The following SPOCK3 variants were observed in gnomAD, a reference collection of about 807,000 sequenced individuals.
The protein encoded by SPOCK3 is SPARC (osteonectin), cwcv and kazal like domains proteoglycan 3, also known as testican-3.
SPOCK3 carries 30 observed loss-of-function variants against 56.6 expected under a neutral mutation model. The ratio of observed to expected loss-of-function variants is 0.53; its 90% CI spans 0.40 to 0.72. SPOCK3 has a LOEUF of 0.72. Ranked by LOEUF, SPOCK3 falls within the 30% of genes least tolerant of loss-of-function variation. SPOCK3 has a pLI of 0.00. For synonymous variants in SPOCK3, 196 were observed against 183.3 expected (o/e 1.07, Z -0.56); for missense variants, 527 against 530.0 (o/e 0.99, Z 0.06).
rs1184326299 is a variant in SPOCK3 at position 167,159,112 on chromosome 4, TTTATAATCTGAGG to T, written c.189+74860_189+74872del. Among the ~76,000 whole-genome samples the T allele has an allele frequency of 4.6e-5, 7 of 152,146 alleles. No homozygotes were observed. The East Asian group carries it at 1.4e-3, about 29-fold the overall frequency. ...ATCCATCTGTCCTTGGTGTGAATCC[TTTATAATCTGAGG>T]TAAGTTGTTTAACCTAATTAAGCTT... On this transcript the variant is annotated intron_variant, in intron 2 of 10. Transcript: ENST00000357545.
At chr4:166,745,947 T>C (rs919204297) in intron 8 of SPOCK3, among the ~76,000 whole-genome samples, 1 of 152,164 alleles carries the variant, frequency 6.6e-6, no homozygotes, top group African/African-American at 2.4e-5. Context: ...CTATCCTAAA[T>C]ATATATGAAC....
intron 2 of SPOCK3, among the ~76,000 whole-genome samples, chr4:167,148,719 T>C (rs1397347056): frequency 6.6e-6 from 1 of 152,112 alleles, no homozygotes; most frequent in East Asian, 1.9e-4. Context: ...TAAATTTAAT[T>C]TCAGATTTTG....
chr4:166,773,399 T>A (rs1739175224), intron 7 of SPOCK3, among the ~76,000 whole-genome samples: 1 of 151,474 alleles, frequency 6.6e-6, no homozygotes, highest in African/African-American at 2.4e-5. Context: ...AAAAAACTGA[T>A]GCTTTATTTT....
chr4:166,735,595 T>TAA (rs112741645), intron 10 of SPOCK3, among the ~76,000 whole-genome samples: 13 of 145,702 alleles, frequency 8.9e-5, no homozygotes, highest in African/African-American at 3.0e-4. Context: ...GTTCTTAAAA[T>TAA]AAAAAAAAAA....
At chr4:166,836,955 A>G (rs1379805800) in intron 6 of SPOCK3, among the ~76,000 whole-genome samples, 1 of 152,188 alleles carries the variant, frequency 6.6e-6, no homozygotes, top group Non-Finnish European at 1.5e-5. Context: ...CTTGGCTATC[A>G]ATTCCCACTT....
intron 6 of SPOCK3, among the ~76,000 whole-genome samples, chr4:166,850,603 G>C (rs1374264793): frequency 6.6e-6 from 1 of 152,222 alleles, no homozygotes; most frequent in Non-Finnish European, 1.5e-5. Context: ...CAGGTCACTG[G>C]GTGCGTGCAC....
At chr4:167,130,156 G>T (rs1167779122) in intron 2 of SPOCK3, among the ~76,000 whole-genome samples, 1 of 152,036 alleles carries the variant, frequency 6.6e-6, no homozygotes, top group Admixed American at 6.6e-5. Context: ...TGTAGAGAGA[G>T]GTTTTCATTA....
intron 2 of SPOCK3, among the ~76,000 whole-genome samples, chr4:167,138,765 T>C (rs1763309790): frequency 6.6e-6 from 1 of 151,722 alleles, no homozygotes. Flanking sequence ...TGTCATTGTG[T>C]TTTCAAAAAA....
chr4:167,002,342 C>T (rs1345485719), intron 3 of SPOCK3, among the ~76,000 whole-genome samples: 1 of 152,020 alleles, frequency 6.6e-6, no homozygotes. Flanking sequence ...AAGTATATTT[C>T]TGCAAAACTC....
At chr4:167,133,835 T>A (rs1341514113) in intron 2 of SPOCK3, among the ~76,000 whole-genome samples, 2 of 152,126 alleles carry the variant, frequency 1.3e-5, no homozygotes, top group African/African-American at 4.8e-5. Context: ...TCTATCTCTG[T>A]TTAAAACTAC....
At chr4:167,039,006 T>C (rs1267014600) in intron 3 of SPOCK3, among the ~76,000 whole-genome samples, 1 of 152,206 alleles carries the variant, frequency 6.6e-6, no homozygotes, top group African/African-American at 2.4e-5. Flanking sequence ...ACATTTATTA[T>C]GTCACATTTA....
intron 2 of SPOCK3, among the ~76,000 whole-genome samples, chr4:167,076,501 A>G (rs1196043536): frequency 6.6e-6 from 1 of 151,862 alleles, no homozygotes; most frequent in Non-Finnish European, 1.5e-5. Flanking sequence ...AATAAATCAC[A>G]GAAAAATTTT....
At chr4:167,200,195 GGATTCATTTACTTGATGGATT>G (rs1733382061) in intron 2 of SPOCK3, among the ~76,000 whole-genome samples, 1 of 151,802 alleles carries the variant, frequency 6.6e-6, no homozygotes, top group Non-Finnish European at 1.5e-5. Context: ...AATATGAAGG[GGATTCATTTACTTGATGGATT>G]GAAATCCTGC....
At chr4:167,154,596 T>C (rs1324906105) in intron 2 of SPOCK3, among the ~76,000 whole-genome samples, 1 of 152,186 alleles carries the variant, frequency 6.6e-6, no homozygotes, top group African/African-American at 2.4e-5. Flanking sequence ...GAAAGAAGTT[T>C]CTTCAACATT....
intron 8 of SPOCK3, among the ~76,000 whole-genome samples, chr4:166,750,037 G>T (rs1278798312): frequency 1.3e-5 from 2 of 152,124 alleles, no homozygotes; most frequent in East Asian, 1.9e-4. Context: ...TCGGAATTTT[G>T]ATTAGTAACC....
intron 3 of SPOCK3, among the ~76,000 whole-genome samples, chr4:167,055,965 G>A (rs1010920430): frequency 3.3e-5 from 5 of 152,176 alleles, no homozygotes; most frequent in Admixed American, 2.0e-4. Flanking sequence ...CTCCCAGCAC[G>A]AAGCTGGAGA....
At chr4:167,049,810 C>T (rs1250252011) in intron 3 of SPOCK3, among the ~76,000 whole-genome samples, 1 of 152,154 alleles carries the variant, frequency 6.6e-6, no homozygotes, top group East Asian at 1.9e-4. Flanking sequence ...GATTCAACAA[C>T]ATATGCCAAA....
chr4:166,839,097 A>G (rs1472931229), intron 6 of SPOCK3, among the ~76,000 whole-genome samples: 6 of 152,088 alleles, frequency 3.9e-5, no homozygotes, highest in Non-Finnish European at 1.5e-5. Context: ...AAACCTAGAC[A>G]TTTGGGGTAC....
intron 4 of SPOCK3, among the ~76,000 whole-genome samples, chr4:166,984,921 T>C (rs1746978035): frequency 6.6e-6 from 1 of 152,126 alleles, no homozygotes; most frequent in Non-Finnish European, 1.5e-5. Context: ...ATGCTTTTAG[T>C]TCCTTACATG....
Sources: gnomAD v4.1 joint callset for allele counts (sites outside exome capture counted in the v4.1 genomes callset) on GRCh38, gnomAD v4.1.1 for gene constraint, MANE v1.5 for transcripts, NCBI Gene and HGNC (gene_info 2026-07-23, HGNC 2026-07-21) for gene names.